Variants in NLGN1 observed in about 807,000 individuals in gnomAD.
The protein encoded by NLGN1 is neuroligin 1.
In NLGN1, 12 loss-of-function variants were observed where a neutral mutation model predicts 65.5. That is an observed-to-expected ratio of 0.18 (90% CI 0.12 to 0.30). NLGN1 has a LOEUF of 0.30. Among genes scored for constraint, NLGN1 ranks in the 10% least tolerant of loss-of-function variants. The probability of loss-of-function intolerance (pLI) is 1.00; values close to 1 mark genes in which losing one functional copy is unlikely to be tolerated. For synonymous variants in NLGN1, 350 were observed against 359.5 expected, an observed-to-expected ratio of 0.97 and a Z score of 0.30; for missense variants, 750 against 1,007.1, an observed-to-expected ratio of 0.74 and a Z score of 3.46.
intron 3 of NLGN1, among the ~76,000 whole-genome samples, chr3:173,634,045 G>C (rs1341480340): frequency 6.6e-6 from 1 of 151,998 alleles, no homozygotes; most frequent in East Asian, 1.9e-4. Context: ...TCTACTCAAG[G>C]CTGTATCTGC....
chr3:173,906,916 A>G, intron 4 of NLGN1, among the ~76,000 whole-genome samples: 1 of 151,722 alleles, frequency 6.6e-6, no homozygotes, highest in Non-Finnish European at 1.5e-5. Context: ...AGTCCACGTT[A>G]CTGAGGCTCT....
chr3:173,905,123 T>C (rs1228203720), intron 4 of NLGN1, among the ~76,000 whole-genome samples: 1 of 152,198 alleles, frequency 6.6e-6, no homozygotes, highest in African/African-American at 2.4e-5. Context: ...TATTTCCCTG[T>C]CTGTTTGCCT....
At chr3:174,002,249 G>A (rs974904313) in intron 4 of NLGN1, among the ~76,000 whole-genome samples, 3 of 151,898 alleles carry the variant, frequency 2.0e-5, no homozygotes, top group Non-Finnish European at 4.4e-5. Context: ...TGCCTCAGCC[G>A]CCTGAGTAGT....
intron 4 of NLGN1, among the ~76,000 whole-genome samples, chr3:173,913,586 A>C (rs1211874482): frequency 6.6e-6 from 1 of 152,154 alleles, no homozygotes; most frequent in African/African-American, 2.4e-5. Flanking sequence ...GTGAATGCTG[A>C]CATGCTTTCC....
intron 4 of NLGN1, among the ~76,000 whole-genome samples, chr3:174,097,576 T>G (rs1454886951): frequency 1.3e-5 from 2 of 152,232 alleles, no homozygotes; most frequent in Admixed American, 6.5e-5. Flanking sequence ...CTCAACCTTT[T>G]GAATCTCAAT....
intron 4 of NLGN1, among the ~76,000 whole-genome samples, chr3:174,226,057 A>G (rs1739619701): frequency 6.6e-6 from 1 of 152,178 alleles, no homozygotes; most frequent in Admixed American, 6.5e-5. Flanking sequence ...TTATGAACCA[A>G]CATTGAAGCT....
At chr3:173,557,155 A>G (rs1741844492) in intron 2 of NLGN1, among the ~76,000 whole-genome samples, 1 of 152,132 alleles carries the variant, frequency 6.6e-6, no homozygotes, top group Non-Finnish European at 1.5e-5. Flanking sequence ...TTAGGTATAT[A>G]CATATTCAGT....
chr3:173,706,804 C>A (rs1768111047), intron 3 of NLGN1, among the ~76,000 whole-genome samples: 1 of 152,264 alleles, frequency 6.6e-6, no homozygotes, highest in Admixed American at 6.5e-5. Context: ...CAAAGACACA[C>A]ATACGCACAC....
chr3:174,217,920 C>T (rs1290175007), intron 4 of NLGN1, among the ~76,000 whole-genome samples: 1 of 152,030 alleles, frequency 6.6e-6, no homozygotes, highest in African/African-American at 2.4e-5. Context: ...AGAAGACAAA[C>T]TTCACCTAAC....
At chr3:173,522,848 G>A (rs745728464) in intron 2 of NLGN1, among the ~76,000 whole-genome samples, 1 of 152,086 alleles carries the variant, frequency 6.6e-6, no homozygotes, top group Admixed American at 6.6e-5. Context: ...TCTCCCTACA[G>A]TTTTTCATAT....
intron 3 of NLGN1, among the ~76,000 whole-genome samples, chr3:173,667,678 G>A (rs191932769): frequency 5.5e-4 from 84 of 152,102 alleles, no homozygotes; most frequent in Non-Finnish European, 7.9e-4. Flanking sequence ...TGCCCAGGCC[G>A]GAGTACAGTG....
At chr3:174,224,894 T>C (rs1190418723) in intron 4 of NLGN1, among the ~76,000 whole-genome samples, 5 of 152,144 alleles carry the variant, frequency 3.3e-5, no homozygotes, top group Admixed American at 2.6e-4. Context: ...ACACTCAGTT[T>C]AGAGATAAGC....
intron 2 of NLGN1, among the ~76,000 whole-genome samples, chr3:173,493,100 C>T (rs1210816914): frequency 6.6e-6 from 1 of 151,798 alleles, no homozygotes; most frequent in Non-Finnish European, 1.5e-5. Flanking sequence ...AAAGTTTTAC[C>T]TATGGTAAAT....
chr3:173,528,789 C>T (rs1457983452), intron 2 of NLGN1, among the ~76,000 whole-genome samples: 1 of 152,114 alleles, frequency 6.6e-6, no homozygotes, highest in Non-Finnish European at 1.5e-5. Context: ...CATTTCCAAA[C>T]GTTCTGTTTG....
At chr3:174,093,054 C>A (rs1209983450) in intron 4 of NLGN1, among the ~76,000 whole-genome samples, 1 of 152,156 alleles carries the variant, frequency 6.6e-6, no homozygotes, top group Non-Finnish European at 1.5e-5. Context: ...AAGAATAAAT[C>A]AAACTCTCGG....
intron 2 of NLGN1, among the ~76,000 whole-genome samples, chr3:173,485,963 A>T (rs1232224395): frequency 6.6e-6 from 1 of 151,916 alleles, no homozygotes; most frequent in Non-Finnish European, 1.5e-5. Flanking sequence ...TTTGTTTTTT[A>T]ACCTCTCAGA....
chr3:174,230,816 G>A (rs1413821059), intron 4 of NLGN1, among the ~76,000 whole-genome samples: 1 of 152,056 alleles, frequency 6.6e-6, no homozygotes, highest in Non-Finnish European at 1.5e-5. Flanking sequence ...AAAAATTATA[G>A]TACATTTATA....
intron 4 of NLGN1, among the ~76,000 whole-genome samples, chr3:173,905,017 C>A (rs959069640): frequency 6.6e-6 from 1 of 152,114 alleles, no homozygotes; most frequent in Non-Finnish European, 1.5e-5. Flanking sequence ...TTTGGAAAAG[C>A]TCCTTTTTCT....
intron 4 of NLGN1, among the ~76,000 whole-genome samples, chr3:174,131,666 T>C (rs1240872647): frequency 6.6e-6 from 1 of 152,192 alleles, no homozygotes; most frequent in Non-Finnish European, 1.5e-5. Flanking sequence ...CTATAATCTA[T>C]TCCTTAGCAT....
Sources: allele counts gnomAD v4.1 joint callset (sites outside exome capture counted in the v4.1 genomes callset), GRCh38; gene constraint gnomAD v4.1.1; transcripts MANE v1.5; gene names NCBI Gene and HGNC (gene_info 2026-07-23, HGNC 2026-07-21).